KCNH7: variants seen among roughly 807,000 people sequenced by gnomAD.
The protein encoded by KCNH7 is voltage-gated inwardly rectifying potassium channel KCNH7.
In KCNH7, 49 loss-of-function variants were observed where a neutral mutation model predicts 120.8. The observed-to-expected ratio is 0.41, with a 90% CI of 0.32 to 0.51. KCNH7 has a LOEUF of 0.51. KCNH7 is among the 20% of genes least tolerant of loss of function. The pLI is 0.38. For missense variants in KCNH7, 1,097 were observed against 1,446.6 expected (o/e 0.76, Z 3.92); for synonymous variants, 547 against 516.1 (o/e 1.06, Z -0.81).
intron 2 of KCNH7, among the ~76,000 whole-genome samples, chr2:162,622,978 T>A (rs1256291714): frequency 6.6e-6 from 1 of 152,144 alleles, no homozygotes; most frequent in Non-Finnish European, 1.5e-5. Context: ...TGAACCTAAT[T>A]AGCCCAAAGA....
At position 162,798,254 on chromosome 2, in the gene KCNH7, A is replaced by G. The variant is rs147870301; in HGVS notation, c.307+38283T>C. Among the ~76,000 whole-genome samples the G allele has an allele frequency of 9.3e-3, 1,420 of 152,216 alleles. 7 individuals are homozygous for G. Among genetic ancestry groups the G allele is most frequent in the Non-Finnish European group, 0.015 (1,012 of 67,974 alleles). On this transcript the variant is annotated intron_variant, in intron 2 of 15. Coordinates refer to ENST00000332142, the MANE Select transcript of KCNH7 (RefSeq NM_033272.4). ...AAAGTAGTTTGCCCTAAGGCTTTTTAAAATTTACATTTTATTCCTTGTGAA... is the reference window on the plus strand; with the variant it reads ...AAAGTAGTTTGCCCTAAGGCTTTTTGAAATTTACATTTTATTCCTTGTGAA...
At chr2:162,558,503 C>CTTTTTTTT (rs71410015) in intron 2 of KCNH7, among the ~76,000 whole-genome samples, 8 of 80,686 alleles carry the variant, frequency 9.9e-5, no homozygotes, top group African/African-American at 2.4e-4. Flanking sequence ...TTCTCAATGG[C>CTTTTTTTT]TTTTTTTTTT....
intron 2 of KCNH7, among the ~76,000 whole-genome samples, chr2:162,730,315 A>G (rs1419649163): frequency 6.6e-6 from 1 of 151,220 alleles, no homozygotes; most frequent in Non-Finnish European, 1.5e-5. Context: ...TCAGGTTTAT[A>G]AGTAAAAGAA....
intron 5 of KCNH7, among the ~76,000 whole-genome samples, chr2:162,509,588 A>C (rs1690995776): frequency 6.6e-6 from 1 of 151,630 alleles, no homozygotes; most frequent in Non-Finnish European, 1.5e-5. Context: ...ATGCATAAGA[A>C]GTAATCATCA....
intron 2 of KCNH7, among the ~76,000 whole-genome samples, chr2:162,674,164 G>A (rs1014812337): frequency 1.3e-5 from 2 of 151,760 alleles, no homozygotes; most frequent in Admixed American, 6.6e-5. Context: ...TAAGAGTTTA[G>A]TATCTTTGCT....
chr2:162,566,223 A>G (rs1424340423), intron 2 of KCNH7, among the ~76,000 whole-genome samples: 4 of 151,968 alleles, frequency 2.6e-5, no homozygotes, highest in Non-Finnish European at 5.9e-5. Flanking sequence ...TTCCATCATC[A>G]TTCATGGAGT....
chr2:162,540,086 A>G (rs1409138699), intron 2 of KCNH7, among the ~76,000 whole-genome samples: 1 of 151,964 alleles, frequency 6.6e-6, no homozygotes, highest in Non-Finnish European at 1.5e-5. Flanking sequence ...CTAACCAAGC[A>G]ATGAAGAAAA....
At chr2:162,506,186 T>G (rs553793330) in intron 5 of KCNH7, among the ~76,000 whole-genome samples, 1 of 152,054 alleles carries the variant, frequency 6.6e-6, no homozygotes, top group South Asian at 2.1e-4. Flanking sequence ...TTGCCTCATA[T>G]GTTCTCATTT....
At chr2:162,373,388 A>G in intron 15 of KCNH7, 82 bp downstream of exon 15, 1 of 1,002,250 alleles carries the variant, frequency 1.0e-6, no homozygotes, top group Non-Finnish European at 1.4e-6. Flanking sequence ...CCTTTTCCAC[A>G]GCACCCCAAG....
chr2:162,449,478 A>G (rs957554024), intron 6 of KCNH7, among the ~76,000 whole-genome samples: 3 of 151,970 alleles, frequency 2.0e-5, no homozygotes, highest in African/African-American at 7.2e-5. Flanking sequence ...CTTTATTTGG[A>G]AAGAGGGTTT....
At chr2:162,651,651 C>T (rs1054464453) in intron 2 of KCNH7, among the ~76,000 whole-genome samples, 4 of 152,076 alleles carry the variant, frequency 2.6e-5, no homozygotes, top group Admixed American at 2.6e-4. Context: ...GTGAAGAGTG[C>T]TGCAATGAAC....
chr2:162,603,176 TATAA>T (rs1449858609), intron 2 of KCNH7, among the ~76,000 whole-genome samples: 2 of 151,948 alleles, frequency 1.3e-5, no homozygotes, highest in East Asian at 1.9e-4. Context: ...GACTCAAAAA[TATAA>T]ATAAAGTGAA....
chr2:162,784,427 G>A (rs1209430087), intron 2 of KCNH7, among the ~76,000 whole-genome samples: 2 of 151,808 alleles, frequency 1.3e-5, no homozygotes, highest in African/African-American at 4.8e-5. Flanking sequence ...TGTCATGTTA[G>A]GTATAGAAAT....
At chr2:162,509,630 G>A (rs1690997166) in intron 5 of KCNH7, among the ~76,000 whole-genome samples, 1 of 151,582 alleles carries the variant, frequency 6.6e-6, no homozygotes, top group East Asian at 1.9e-4. Flanking sequence ...CTGTTTCAGT[G>A]CATGACATAT....
At chr2:162,392,289 TGC>T (rs964156392) in intron 12 of KCNH7, among the ~76,000 whole-genome samples, 8 of 151,750 alleles carry the variant, frequency 5.3e-5, no homozygotes, top group African/African-American at 1.9e-4. Context: ...TGTGTGTGTG[TGC>T]GCATGTGTGT....
chr2:162,469,802 CCCTGCCTGATTCT>C (rs1378215264), intron 6 of KCNH7, among the ~76,000 whole-genome samples: 5 of 152,082 alleles, frequency 3.3e-5, no homozygotes, highest in Non-Finnish European at 7.4e-5. Context: ...ACTGCAAACT[CCCTGCCTGATTCT>C]CCTGCCTCAG....
intron 2 of KCNH7, among the ~76,000 whole-genome samples, chr2:162,667,018 CTTTTTTTTTT>C (rs34213467): frequency 8.1e-6 from 1 of 124,218 alleles, no homozygotes; most frequent in Non-Finnish European, 1.6e-5. Flanking sequence ...TTTTCTTTTT[CTTTTTTTTTT>C]TTTTTTTTGG....
intron 14 of KCNH7, among the ~76,000 whole-genome samples, chr2:162,379,233 T>C (rs1686324330): frequency 6.6e-6 from 1 of 152,186 alleles, no homozygotes; most frequent in African/African-American, 2.4e-5. Flanking sequence ...ATCTGTGTCA[T>C]ACCCACTCAT....
At chr2:162,534,858 T>C (rs960348691) in intron 3 of KCNH7, among the ~76,000 whole-genome samples, 1 of 151,744 alleles carries the variant, frequency 6.6e-6, no homozygotes, top group Non-Finnish European at 1.5e-5. Flanking sequence ...ATTGCAAAAT[T>C]AATATGCGTT....
Sources: allele counts gnomAD v4.1 joint callset (sites outside exome capture counted in the v4.1 genomes callset), GRCh38; gene constraint gnomAD v4.1.1; transcripts MANE v1.5; gene names NCBI Gene and HGNC (gene_info 2026-07-23, HGNC 2026-07-21).